NFIC: variants seen among roughly 807,000 people sequenced by gnomAD.
NFIC encodes the protein nuclear factor 1 C-type.
In NFIC, 12 loss-of-function variants were observed where a neutral mutation model predicts 54.4. That is an observed-to-expected ratio of 0.22 (90% CI 0.14 to 0.36). The LOEUF (loss-of-function observed/expected upper bound fraction) is 0.36, where lower values mean the gene tolerates loss of function less well. Among genes scored for constraint, NFIC ranks in the 10% least tolerant of loss-of-function variants. The pLI is 1.00. For synonymous variants in NFIC, 322 were observed against 319.2 expected, an observed-to-expected ratio of 1.01 and a Z score of -0.09; for missense variants, 575 against 718.2, an observed-to-expected ratio of 0.80 and a Z score of 2.28.
intron 2 of NFIC, among the ~76,000 whole-genome samples, chr19:3,389,630 C>T (rs2081348506): frequency 6.6e-6 from 1 of 152,070 alleles, no homozygotes; most frequent in Non-Finnish European, 1.5e-5. Context: ...GAGCTGTGCC[C>T]ATTGCATTAA....
At chr19:3,412,108 G>T (rs1166368288) in intron 2 of NFIC, among the ~76,000 whole-genome samples, 14 of 152,234 alleles carry the variant, frequency 9.2e-5, no homozygotes, top group African/African-American at 2.6e-4. Flanking sequence ...CTTAAGACAG[G>T]GTCTCAGTCT....
rs548549379 is a variant in NFIC at position 3,389,146 on chromosome 19, A to AAATG, written c.562+6925_562+6928dup. 3.0e-3 allele frequency among the ~76,000 whole-genome samples: 464 copies of AAATG among 152,282 alleles called. 4 individuals carry two copies. The highest frequency in any genetic ancestry group is 9.7e-3 in the African/African-American group (403 of 41,556). ...TGCAGGCCGTGCACACTCAGGGAGT[A>AAATG]AATGAATGAATGAATGAATGAATGA... is the stretch of plus-strand genomic sequence containing the variant. On this transcript the variant is annotated intron_variant, in intron 2 of 10. Transcript: ENST00000443272.
chr19:3,458,894 G>A lies in NFIC; in HGVS notation c.1509+2259G>A, dbSNP rs551737455. Among the ~76,000 whole-genome samples the A allele has an allele frequency of 3.0e-4, 45 of 152,202 alleles. 1 individual carries two copies. The South Asian group carries it at 6.0e-3, about 20-fold the overall frequency. On this transcript the variant is annotated intron_variant, in intron 10 of 10. Coordinates refer to ENST00000443272, the MANE Select transcript of NFIC (RefSeq NM_001245002.2). The surrounding 1 kb of genome is among the most constrained non-coding windows in gnomAD (Gnocchi z 4.1). The stretch of plus-strand genomic sequence containing the variant: ...GGGGAGCATGGGTTAGGGGGAAGGC[G>A]AGGTCCCCAAACTGGGCATCCAGGG...
intron 1 of NFIC, among the ~76,000 whole-genome samples, chr19:3,376,339 G>C (rs2081105837): frequency 7.4e-6 from 1 of 134,696 alleles, no homozygotes; most frequent in African/African-American, 2.7e-5. Context: ...TGAGACATGA[G>C]AATCGCCTGA....
intron 2 of NFIC, among the ~76,000 whole-genome samples, chr19:3,414,213 G>T (rs1034924228): frequency 6.6e-6 from 1 of 152,130 alleles, no homozygotes; most frequent in African/African-American, 2.4e-5. Flanking sequence ...TTAGTAAAGG[G>T]CCAGTGACAC....
chr19:3,359,671 C>T (rs1243881102), exon 1 of NFIC: 25 of 1,411,180 alleles, frequency 1.8e-5, no homozygotes, highest in Non-Finnish European at 2.3e-5. Flanking sequence ...CTCGCCTCCT[C>T]GCAGCAGCGC....
chr19:3,428,752 C>T lies in NFIC; in HGVS notation c.634+3575C>T, dbSNP rs193075371. Among the ~76,000 whole-genome samples, 69 of 152,088 alleles carry T rather than the reference C, an allele frequency of 4.5e-4. 1 individual carries two copies. The highest frequency in any genetic ancestry group is 1.5e-3 in the African/African-American group (64 of 41,434). On this transcript the variant is annotated intron_variant, in intron 3 of 10. Transcript: ENST00000443272. ...TCTGGTAGAGGAAATCACGTCCTCC[C>T]AGCTCGCCAGGGAGTCCCCCAGAGA...
chr19:3,398,121 GC>G (rs2081494642), intron 2 of NFIC, among the ~76,000 whole-genome samples: 1 of 152,116 alleles, frequency 6.6e-6, no homozygotes, highest in Admixed American at 6.6e-5. Context: ...TGCTGTTTCA[GC>G]CCAGCATTCA....
chr19:3,383,752 C>T (rs1599583694), intron 2 of NFIC, among the ~76,000 whole-genome samples: 1 of 152,314 alleles, frequency 6.6e-6, no homozygotes, highest in East Asian at 1.9e-4. Flanking sequence ...CCACACAGGT[C>T]ACCAGCCCAG....
At position 3,435,204 on chromosome 19, in the gene NFIC, G is replaced by A; in HGVS notation, c.955G>A (p.Gly319Arg). Residue 319 changes from glycine (G) to arginine (R), a missense_variant, in exon 6 of 11, where the codon GGA becomes AGA. By Grantham distance (125) the Gly-to-Arg change is moderately radical. Around this residue, in one of 3 missense-constraint regions of NFIC, gnomAD observed 447 missense variants for 526.9 expected, o/e 0.85. Transcript: ENST00000443272. ...CCGCAACTGGACGGAGGACATGGAA[G>A]GAGGTAGGGCTGGTGGCGGGGGCGG... The part of the protein sequence containing the change: ...SSRNWTEDME[G>R]GISSPVKKTE... 6.3e-7 allele frequency: 1 copy of A among 1,599,122 alleles called. No homozygotes were observed. The highest frequency in any genetic ancestry group is 8.5e-7 in the Non-Finnish European group (1 of 1,171,678).
chr19:3,383,240 G>C (rs2081241807), intron 2 of NFIC, among the ~76,000 whole-genome samples: 1 of 152,184 alleles, frequency 6.6e-6, no homozygotes, highest in Admixed American at 6.5e-5. Flanking sequence ...GGCCCTGCCA[G>C]AGGGGTGTTT....
intron 6 of NFIC, among the ~76,000 whole-genome samples, chr19:3,439,740 GTGCA>G (rs2082263440): frequency 6.8e-6 from 1 of 147,054 alleles, no homozygotes; most frequent in Non-Finnish European, 1.5e-5. Flanking sequence ...CCAGGCTGGA[GTGCA>G]GTGGTGTGAT....
intron 9 of NFIC, 132 bp downstream of exon 9, chr19:3,454,048 A>G (rs1050125943): frequency 6.7e-5 from 93 of 1,382,106 alleles, no homozygotes; most frequent in Admixed American, 1.1e-4. Context: ...GGGTCTCCGG[A>G]AAACAGCCCA....
intron 2 of NFIC, among the ~76,000 whole-genome samples, chr19:3,394,004 G>A (rs2081417949): frequency 6.6e-6 from 1 of 151,272 alleles, no homozygotes; most frequent in Non-Finnish European, 1.5e-5. Context: ...GTGCAGCGGT[G>A]CAATCTCGGC....
chr19:3,394,887 A>G (rs2081438107), intron 2 of NFIC, among the ~76,000 whole-genome samples: 2 of 152,112 alleles, frequency 1.3e-5, no homozygotes, highest in African/African-American at 4.8e-5. Context: ...GTTTCATCCC[A>G]GAACCATCTC....
intron 2 of NFIC, among the ~76,000 whole-genome samples, chr19:3,399,708 C>T (rs1293155443): frequency 6.6e-6 from 1 of 151,698 alleles, no homozygotes; most frequent in Non-Finnish European, 1.5e-5. Flanking sequence ...CCCGTCTCTA[C>T]TAAAAATACA....
chr19:3,442,331 A>G (rs1347260135), intron 6 of NFIC, among the ~76,000 whole-genome samples: 1 of 151,266 alleles, frequency 6.6e-6, no homozygotes, highest in Non-Finnish European at 1.5e-5. Context: ...AGGGCGGGGC[A>G]GGCAGCCCCC....
intron 2 of NFIC, among the ~76,000 whole-genome samples, chr19:3,397,334 A>C (rs1013327510): frequency 6.6e-6 from 1 of 152,200 alleles, no homozygotes; most frequent in African/African-American, 2.4e-5. Context: ...GGGGTATGGC[A>C]GGGACTGCCC....
At chr19:3,366,437 C>T (rs2080883888), upstream of NFIC, 3 of 497,646 alleles carry the variant, frequency 6.0e-6, no homozygotes, top group East Asian at 1.1e-4. Context: ...GAGAGAGGGA[C>T]AGAGAGCGAG....
Sources: gnomAD v4.1 joint callset for allele counts (sites outside exome capture counted in the v4.1 genomes callset) on GRCh38, gnomAD v4.1.1 for gene constraint, gnomAD v4.1.1 regional missense constraint, Gnocchi (gnomAD v3.1) non-coding constraint, MANE v1.5 for transcripts, NCBI Gene and HGNC (gene_info 2026-07-23, HGNC 2026-07-21) for gene names.